The following PCCA variants were observed in gnomAD, a reference collection of about 807,000 sequenced individuals.
The protein encoded by PCCA is propionyl-CoA carboxylase subunit alpha.
A neutral mutation model predicts 101.3 loss-of-function variants in PCCA; 74 were observed. That is an observed-to-expected ratio of 0.73 (90% CI 0.61 to 0.89). PCCA has a LOEUF of 0.89. Among genes scored for constraint, PCCA ranks in the 40% least tolerant of loss-of-function variants. PCCA has a pLI of 0.00. For synonymous variants in PCCA, 294 were observed against 313.6 expected (o/e 0.94, Z 0.66); for missense variants, 891 against 907.0 (o/e 0.98, Z 0.23).
intron 4 of PCCA, among the ~76,000 whole-genome samples, chr13:100,128,419 G>A (rs1170810846): frequency 6.6e-6 from 1 of 152,104 alleles, no homozygotes; most frequent in Non-Finnish European, 1.5e-5. Flanking sequence ...CTTTAGAGAT[G>A]GGTATAGAGA....
chr13:100,231,650 G>A (rs1290407941), intron 7 of PCCA, among the ~76,000 whole-genome samples: 1 of 152,072 alleles, frequency 6.6e-6, no homozygotes, highest in African/African-American at 2.4e-5. Flanking sequence ...TGATTCTTAT[G>A]GTAAAAAAGT....
chr13:100,282,279 G>T (rs149286199), intron 12 of PCCA, among the ~76,000 whole-genome samples: 2 of 152,226 alleles, frequency 1.3e-5, no homozygotes, highest in South Asian at 2.1e-4. Flanking sequence ...AGGTGACAGC[G>T]TGCTGGCAGT....
chr13:100,489,307 CAA>C (rs71706045), intron 21 of PCCA, among the ~76,000 whole-genome samples: 98 of 145,448 alleles, frequency 6.7e-4, no homozygotes, highest in Middle Eastern at 7.3e-3. Flanking sequence ...GACTCCGTCT[CAA>C]AAAAAAAAAA....
intron 4 of PCCA, among the ~76,000 whole-genome samples, chr13:100,132,584 C>G (rs547442193): frequency 4.6e-5 from 7 of 152,154 alleles, no homozygotes; most frequent in Non-Finnish European, 7.4e-5. Context: ...TGGGTTGTTT[C>G]CAGCTTTTGA....
intron 18 of PCCA, among the ~76,000 whole-genome samples, chr13:100,352,189 C>A (rs1432143220): frequency 6.6e-6 from 1 of 151,980 alleles, no homozygotes; most frequent in African/African-American, 2.4e-5. Flanking sequence ...ATATTAAATG[C>A]AGATGGCTTA....
intron 19 of PCCA, among the ~76,000 whole-genome samples, chr13:100,396,906 C>T (rs934591406): frequency 2.0e-5 from 3 of 152,144 alleles, no homozygotes; most frequent in Non-Finnish European, 4.4e-5. Context: ...TTTCTGTCCC[C>T]AAGGCCCTGC....
intron 21 of PCCA, among the ~76,000 whole-genome samples, chr13:100,456,557 G>T (rs6491557): frequency 0.1 from 15,759 of 152,148 alleles, 1,342 homozygotes; most frequent in African/African-American, 0.23. Context: ...AGACCAGGGG[G>T]CAGGGTAAGG....
chr13:100,518,002 C>G (rs1183263916), intron 22 of PCCA, among the ~76,000 whole-genome samples: 2 of 151,666 alleles, frequency 1.3e-5, no homozygotes, highest in African/African-American at 4.9e-5. Flanking sequence ...GATTTTAACA[C>G]CGCGGGGCGT....
At chr13:100,152,502 A>C (rs2053454731) in intron 4 of PCCA, among the ~76,000 whole-genome samples, 1 of 151,964 alleles carries the variant, frequency 6.6e-6, no homozygotes, top group South Asian at 2.1e-4. Context: ...GCTGGAGTGC[A>C]GTGGCGCAAT....
chr13:100,452,606 G>T (rs1719285596), intron 21 of PCCA, among the ~76,000 whole-genome samples: 1 of 151,928 alleles, frequency 6.6e-6, no homozygotes, highest in African/African-American at 2.4e-5. Flanking sequence ...TACAGTTCTG[G>T]TCACTCTTTC....
chr13:100,185,739 C>T (rs1399704694), intron 6 of PCCA, among the ~76,000 whole-genome samples: 10 of 152,096 alleles, frequency 6.6e-5, no homozygotes, highest in African/African-American at 1.4e-4. Flanking sequence ...CCTCCACCTC[C>T]GAGGTTCAAG....
chr13:100,108,987 A>G (rs1192487026), intron 2 of PCCA, among the ~76,000 whole-genome samples: 2 of 152,174 alleles, frequency 1.3e-5, no homozygotes, highest in Admixed American at 1.3e-4. Context: ...CTAATTGGTA[A>G]TACATTAATA....
chr13:100,132,122 A>G (rs2050575616), intron 4 of PCCA, among the ~76,000 whole-genome samples: 1 of 152,166 alleles, frequency 6.6e-6, no homozygotes, highest in Non-Finnish European at 1.5e-5. Flanking sequence ...GTTGTTCACA[A>G]TGTTCACCTA....
intron 20 of PCCA, 95 bp from the exon 21 acceptor site, chr13:100,449,157 C>A: frequency 1.5e-6 from 1 of 683,100 alleles, no homozygotes; most frequent in South Asian, 1.9e-5. Flanking sequence ...ACCCATCCAT[C>A]AGTTGATGGA....
At chr13:100,116,823 C>G (rs563014121) in intron 4 of PCCA, among the ~76,000 whole-genome samples, 109 of 150,556 alleles carry the variant, frequency 7.2e-4, no homozygotes, top group Middle Eastern at 3.4e-3. Context: ...TTTTGCAGGC[C>G]CCTGTGGTCG....
chr13:100,399,076 A>T (rs1282617435), intron 19 of PCCA, among the ~76,000 whole-genome samples: 1 of 152,096 alleles, frequency 6.6e-6, no homozygotes, highest in Non-Finnish European at 1.5e-5. Context: ...TTCCATGTTA[A>T]ATATGCTTTG....
chr13:100,202,180 A>G (rs2058561404), intron 6 of PCCA, among the ~76,000 whole-genome samples: 1 of 151,028 alleles, frequency 6.6e-6, no homozygotes, highest in African/African-American at 2.4e-5. Flanking sequence ...AAAAAAAAAA[A>G]AAAAAAAACT....
chr13:100,428,995 T>C (rs2079358939), intron 20 of PCCA, among the ~76,000 whole-genome samples: 1 of 152,062 alleles, frequency 6.6e-6, no homozygotes, highest in African/African-American at 2.4e-5. Flanking sequence ...GGCTGCTTTG[T>C]GGAGAGTGGC....
intron 2 of PCCA, among the ~76,000 whole-genome samples, chr13:100,110,273 A>G (rs1479813411): frequency 6.6e-6 from 1 of 152,194 alleles, no homozygotes; most frequent in Non-Finnish European, 1.5e-5. Context: ...ATAATTCACA[A>G]ATACAGAAAT....
Sources: gnomAD v4.1 joint callset for allele counts (sites outside exome capture counted in the v4.1 genomes callset) on GRCh38, gnomAD v4.1.1 for gene constraint, MANE v1.5 for transcripts, NCBI Gene and HGNC (gene_info 2026-07-23, HGNC 2026-07-21) for gene names.